TP53BP1: variants seen among roughly 807,000 people sequenced by gnomAD.
TP53BP1 encodes the protein TP53-binding protein 1.
A neutral mutation model predicts 200.8 loss-of-function variants in TP53BP1; 61 were observed. The ratio of observed to expected loss-of-function variants is 0.30; its 90% confidence interval spans 0.25 to 0.38. The LOEUF (loss-of-function observed/expected upper bound fraction) is 0.38, where lower values mean the gene tolerates loss of function less well. TP53BP1 is among the 10% of genes least tolerant of loss of function. TP53BP1 has a pLI of 1.00. For synonymous variants in TP53BP1, 822 were observed against 844.3 expected, an observed-to-expected ratio of 0.97 and a Z score of 0.46; for missense variants, 2,144 against 2,371.9, an observed-to-expected ratio of 0.90 and a Z score of 2.00.
At chr15:43,415,885 CCT>C (rs2045255222) in intron 22 of TP53BP1, 76 bp from the exon 23 acceptor site, 20 of 1,231,992 alleles carry the variant, frequency 1.6e-5, no homozygotes, top group Non-Finnish European at 2.3e-5. Context: ...CTGGGCAGAC[CCT>C]GATTCAGACA....
intron 11 of TP53BP1, among the ~76,000 whole-genome samples, chr15:43,458,300 C>T (rs972734110): frequency 1.3e-5 from 2 of 151,634 alleles, no homozygotes. Flanking sequence ...GGCATGGTGG[C>T]GTGCACCTGT....
intron 10 of TP53BP1, among the ~76,000 whole-genome samples, chr15:43,470,997 G>C (rs1380740733): frequency 6.6e-6 from 1 of 152,124 alleles, no homozygotes; most frequent in Admixed American, 6.5e-5. Context: ...TACTACCATA[G>C]CTGTGCTAAG....
chr15:43,412,930 G>A (rs964250833), intron 24 of TP53BP1, among the ~76,000 whole-genome samples, 189 bp downstream of exon 24: 14 of 152,212 alleles, frequency 9.2e-5, no homozygotes, highest in African/African-American at 2.9e-4. Context: ...CACTCACTGA[G>A]AGGAATTTTG....
chr15:43,444,089 G>C (rs987318293), intron 14 of TP53BP1, among the ~76,000 whole-genome samples: 1 of 152,140 alleles, frequency 6.6e-6, no homozygotes, highest in Non-Finnish European at 1.5e-5. Context: ...TAAAAAGTTT[G>C]TTGTAAGGAT....
intron 11 of TP53BP1, 59 bp downstream of exon 11, chr15:43,469,799 C>T (rs917938540): frequency 3.7e-6 from 5 of 1,358,682 alleles, no homozygotes; most frequent in Non-Finnish European, 4.2e-6. Context: ...AAATTATACC[C>T]CAATAATGCT....
In TP53BP1 at chr15:43,407,338, A is replaced by AATCT. The variant is rs775832167; in HGVS notation, c.*41_*44dup. 11 of 1,571,840 alleles carry AATCT rather than the reference A, an allele frequency of 7.0e-6. No homozygotes were observed. Among genetic ancestry groups the AATCT allele is most frequent in the African/African-American group, 2.7e-5 (2 of 74,288 alleles). On this transcript the variant is annotated 3_prime_UTR_variant, in exon 28 of 28. Coordinates refer to ENST00000382044, the MANE Select transcript of TP53BP1 (RefSeq NM_001141980.3). ...CACATTTAAAACCTGGTTAAAACAC[A>AATCT]ATCTCCACGATAGCAGGGAATAAAA...
At chr15:43,481,044 T>A in intron 4 of TP53BP1, 22 bp from the exon 5 acceptor site, 1 of 1,613,908 alleles carries the variant, frequency 6.2e-7, no homozygotes, top group Non-Finnish European at 8.5e-7. Context: ...AAGGATATAA[T>A]CATGTGTTCC....
At chr15:43,448,650 C>T (rs2046096554) in intron 12 of TP53BP1, among the ~76,000 whole-genome samples, 1 of 152,042 alleles carries the variant, frequency 6.6e-6, no homozygotes, top group Non-Finnish European at 1.5e-5. Context: ...TGCCATTCTC[C>T]TGCCTCAGCC....
chr15:43,477,003 T>C (rs959233136), intron 8 of TP53BP1, among the ~76,000 whole-genome samples: 13 of 152,144 alleles, frequency 8.5e-5, no homozygotes, highest in African/African-American at 2.9e-4. Context: ...ATAGTAGCCA[T>C]GTAACAGAAA....
intron 11 of TP53BP1, among the ~76,000 whole-genome samples, chr15:43,466,781 C>T (rs2046590829): frequency 6.6e-6 from 1 of 152,124 alleles, no homozygotes; most frequent in Non-Finnish European, 1.5e-5. Flanking sequence ...GGCCTGAGTA[C>T]AGAAGTTCGA....
In TP53BP1 at chr15:43,457,234, A is replaced by G; in HGVS notation, c.1390-16T>C. 6.4e-7 allele frequency: 1 copy of G among 1,564,110 alleles called. No homozygotes were observed. The stretch of plus-strand genomic sequence containing the variant: ...TAAAAATGTCCTAAGGAAGAACAGA[A>G]AGAGACAAATTGTAATTTGTACATG... On this transcript the variant is annotated splice_polypyrimidine_tract_variant and intron_variant, in intron 11 of 27. Transcript: ENST00000382044.
chr15:43,484,253 T>C (rs2079015339), intron 4 of TP53BP1, among the ~76,000 whole-genome samples: 1 of 152,208 alleles, frequency 6.6e-6, no homozygotes, highest in African/African-American at 2.4e-5. Context: ...ATTACTTCCT[T>C]CTTGTCTCTC....
chr15:43,407,263 A>AAAT lies in TP53BP1; in HGVS notation c.*117_*119dup. On this transcript the variant is annotated 3_prime_UTR_variant, in exon 28 of 28. Coordinates refer to ENST00000382044, the MANE Select transcript of TP53BP1 (RefSeq NM_001141980.3). ...ATTTATTTTATCATAAAAGTTCAGC[A>AAAT]AATAAAACTATATACAAGATCCATG... The AAAT allele has an allele frequency of 2.5e-6, 2 of 813,938 alleles. No homozygotes were observed. The highest frequency in any genetic ancestry group is 3.9e-6 in the Non-Finnish European group (2 of 514,858). The allele number at this position is 813,938 out of a possible 1,614,324, so 50.4% of individuals were successfully genotyped here.
At chr15:43,434,824 G>C (rs2045753215) in intron 16 of TP53BP1, among the ~76,000 whole-genome samples, 1 of 152,152 alleles carries the variant, frequency 6.6e-6, no homozygotes, top group South Asian at 2.1e-4. Context: ...GTTTATTCAG[G>C]TTAGAATACC....
At chr15:43,444,164 T>C (rs1291528939) in intron 14 of TP53BP1, among the ~76,000 whole-genome samples, 1 of 152,232 alleles carries the variant, frequency 6.6e-6, no homozygotes, top group Non-Finnish European at 1.5e-5. Flanking sequence ...GGAAAGGTAG[T>C]AAAATTTACT....
chr15:43,447,623 C>T, intron 12 of TP53BP1, 138 bp from the exon 13 acceptor site: 1 of 818,374 alleles, frequency 1.2e-6, no homozygotes, highest in Non-Finnish European at 1.8e-6. Context: ...AATTCTGTCT[C>T]ATTGCCACCA....
At chr15:43,412,920 C>T (rs1289616077) in intron 24 of TP53BP1, among the ~76,000 whole-genome samples, 199 bp downstream of exon 24, 1 of 152,138 alleles carries the variant, frequency 6.6e-6, no homozygotes, top group Non-Finnish European at 1.5e-5. Context: ...TTTCAGGAAC[C>T]ACTCACTGAG....
chr15:43,408,856 C>T, intron 26 of TP53BP1, 41 bp downstream of exon 26: 1 of 1,594,514 alleles, frequency 6.3e-7, no homozygotes. Flanking sequence ...AGCTTGCTGT[C>T]CTCCTGCCTA....
rs369284470 is a variant in TP53BP1, at chr15:43,446,563, A to C, written c.2864T>G (p.Ile955Arg). 3.1e-6 allele frequency: 5 copies of C among 1,614,092 alleles called. No individual in the cohort carries two copies. Among genetic ancestry groups the C allele is most frequent in the Non-Finnish European group, 4.2e-6 (5 of 1,179,996 alleles). The stretch of plus-strand genomic sequence containing the variant: ...TTCAGACATGACATCACTGGTTGCT[A>C]TGGTGCTTTCTGGATAGTTGCTAAT... ...IGISNYPEST[I>R]ATSDVMSESM... The change falls in exon 14 of 28, where the codon ATA (isoleucine) becomes AGA (arginine). Residue 955 changes from isoleucine to arginine, a missense_variant. This residue lies in a region of TP53BP1 where 1,700 missense variants were observed against 1,710.3 expected (regional missense o/e 0.99). Coordinates refer to ENST00000382044, the MANE Select transcript of TP53BP1 (RefSeq NM_001141980.3).
Sources: allele counts gnomAD v4.1 joint callset (sites outside exome capture counted in the v4.1 genomes callset), GRCh38; gene constraint gnomAD v4.1.1; regional missense constraint gnomAD v4.1.1; transcripts MANE v1.5; gene names NCBI Gene and HGNC (gene_info 2026-07-23, HGNC 2026-07-21).